ITSN1: variants seen among roughly 807,000 people sequenced by gnomAD.
The protein encoded by ITSN1 is intersectin-1.
In ITSN1, 58 loss-of-function variants were observed where a neutral mutation model predicts 239.8. The observed-to-expected ratio is 0.24, with a 90% CI of 0.20 to 0.30. ITSN1 has a LOEUF of 0.30. Ranked by LOEUF, ITSN1 falls within the 10% of genes least tolerant of loss-of-function variation. ITSN1 has a pLI of 1.00. For missense variants in ITSN1, 1,558 were observed against 2,103.3 expected, an observed-to-expected ratio of 0.74 and a Z score of 5.07; for synonymous variants, 780 against 770.8, an observed-to-expected ratio of 1.01 and a Z score of -0.20.
At position 33,781,521 on chromosome 21, in the gene ITSN1, AAAC is replaced by A; in HGVS notation, c.1660_1662del (p.Gln554del). The A allele has an allele frequency of 2.5e-6, 4 of 1,586,834 alleles. No homozygotes were observed. Among genetic ancestry groups the A allele is most frequent in the Non-Finnish European group, 3.4e-6 (4 of 1,165,186 alleles). ...AAAACAGATACTCAATGACCAATTA[AAAC>A]AAGTTCAGCAGAACAGTTTGCACAG... is the stretch of plus-strand genomic sequence containing the variant. On this transcript the variant is annotated inframe_deletion, in exon 15 of 40. Transcript: ENST00000381318.
chr21:33,769,653 G>A (rs112929203), intron 11 of ITSN1, among the ~76,000 whole-genome samples: 1 of 152,012 alleles, frequency 6.6e-6, no homozygotes, highest in Non-Finnish European at 1.5e-5. Flanking sequence ...GCATGCAGAG[G>A]GAGACAGATC....
At chr21:33,676,333 C>T (rs2090590678) in intron 1 of ITSN1, among the ~76,000 whole-genome samples, 1 of 152,076 alleles carries the variant, frequency 6.6e-6, no homozygotes, top group Non-Finnish European at 1.5e-5. Context: ...TGAGAACATC[C>T]CCTGTCACTT....
chr21:33,652,978 G>C lies in ITSN1; in HGVS notation c.-33+10265G>C, dbSNP rs192987299. On this transcript the variant is annotated intron_variant, in intron 1 of 39. Coordinates refer to ENST00000381318, the MANE Select transcript of ITSN1 (RefSeq NM_003024.3). ...TTGGCACAACTATAATCCACTTAAA[G>C]TACTGTGACTGGGAAGTTCTTTTTT... is the stretch of plus-strand genomic sequence containing the variant. Among the ~76,000 whole-genome samples, 7 of 151,274 alleles carry C rather than the reference G, an allele frequency of 4.6e-5. 1 individual carries two copies. Among genetic ancestry groups the C allele is most frequent in the African/African-American group, 1.7e-4 (7 of 41,110 alleles).
At chr21:33,844,605 C>T (rs1252563841) in intron 29 of ITSN1, among the ~76,000 whole-genome samples, 1 of 152,136 alleles carries the variant, frequency 6.6e-6, no homozygotes, top group African/African-American at 2.4e-5. Flanking sequence ...AGCAGCTGCC[C>T]CAGGCATGCT....
At chr21:33,793,720 G>A (rs949602520) in intron 16 of ITSN1, among the ~76,000 whole-genome samples, 8 of 152,182 alleles carry the variant, frequency 5.3e-5, no homozygotes, top group African/African-American at 1.9e-4. Context: ...TAACCTGATT[G>A]CTGGTTTAGT....
At chr21:33,690,587 G>A (rs1286109570) in intron 1 of ITSN1, among the ~76,000 whole-genome samples, 10 of 144,902 alleles carry the variant, frequency 6.9e-5, no homozygotes, top group African/African-American at 2.6e-4. Context: ...GCAACAGAGC[G>A]AGACTCCGTT....
At chr21:33,654,851 A>G (rs1337107876) in intron 1 of ITSN1, among the ~76,000 whole-genome samples, 2 of 152,174 alleles carry the variant, frequency 1.3e-5, no homozygotes, top group Non-Finnish European at 2.9e-5. Flanking sequence ...TGACAGCATT[A>G]AGCCACTCTC....
chr21:33,683,902 G>T (rs1488474863), intron 1 of ITSN1, among the ~76,000 whole-genome samples: 1 of 152,180 alleles, frequency 6.6e-6, no homozygotes, highest in Non-Finnish European at 1.5e-5. Flanking sequence ...GGGAATGTGT[G>T]CAAGAATGAC....
Position 33,836,678 on chromosome 21 carries a change from C to G in ITSN1, c.3661+46C>G. On this transcript the variant is annotated intron_variant, in intron 29 of 39. Transcript: ENST00000381318. Reference sequence around the variant, plus strand: ...GTCGCCTCGCCTCTCTGGTATCTTCCCGTAAAACATGCAGCATTGCTCTGA... The same window carrying G: ...GTCGCCTCGCCTCTCTGGTATCTTCGCGTAAAACATGCAGCATTGCTCTGA... 3 of 1,443,454 alleles carry G rather than the reference C, an allele frequency of 2.1e-6. No individual in the cohort carries two copies. In the African/African-American group the frequency reaches 4.2e-5, roughly 20 times the overall value. 89.4% of individuals were successfully genotyped at this position (1,443,454 alleles called of 1,614,324 possible). A position where few individuals can be genotyped will look rare whatever the true frequency, so the allele number is the denominator to read the frequency against.
intron 8 of ITSN1, among the ~76,000 whole-genome samples, chr21:33,759,185 T>TA (rs1344717920): frequency 6.6e-6 from 1 of 152,226 alleles, no homozygotes; most frequent in Non-Finnish European, 1.5e-5. Context: ...ATATCATGCT[T>TA]ATATCAGTGG....
chr21:33,781,995 A>G lies in ITSN1; in HGVS notation c.1686A>G (p.Arg562=). The G allele has an allele frequency of 1.9e-6, 3 of 1,586,118 alleles. No individual in the cohort carries two copies. The highest frequency in any genetic ancestry group is 2.6e-6 in the Non-Finnish European group (3 of 1,171,786). Residue 562 remains arginine, a splice_region_variant and synonymous_variant, in exon 16 of 40, where the codon AGA becomes AGG. Transcript: ENST00000381318. The part of the protein sequence containing the change: ...LKQVQQNSLH[R]DSLVTLKRAL... ...CTTTGCGACGTTTTTCTAAAATAGG[A>G]GATTCACTTGTTACACTTAAAAGAG...
intron 5 of ITSN1, chr21:33,735,429 C>T (rs3827181): frequency 0.33 from 184,861 of 563,788 alleles, 32,824 homozygotes; most frequent in East Asian, 0.58. Flanking sequence ...AGATGCAGGC[C>T]GCCAGTCAGG....
intron 16 of ITSN1, among the ~76,000 whole-genome samples, chr21:33,794,053 A>C (rs1239129732): frequency 1.3e-5 from 2 of 152,236 alleles, no homozygotes; most frequent in African/African-American, 4.8e-5. Context: ...CTGAGCCTTT[A>C]GCAGCAGAGC....
intron 35 of ITSN1, among the ~76,000 whole-genome samples, chr21:33,883,110 T>C (rs751984623): frequency 2.0e-5 from 3 of 152,218 alleles, no homozygotes; most frequent in Non-Finnish European, 4.4e-5. Context: ...AGAAACTTCA[T>C]GTGAAAATCT....
At chr21:33,825,793 G>A (rs371488832) in intron 25 of ITSN1, among the ~76,000 whole-genome samples, 5 of 152,094 alleles carry the variant, frequency 3.3e-5, no homozygotes, top group African/African-American at 4.8e-5. Flanking sequence ...AACTTTGTTC[G>A]TTAATAAAGC....
At chr21:33,667,064 C>T (rs193063803) in intron 1 of ITSN1, among the ~76,000 whole-genome samples, 12 of 152,064 alleles carry the variant, frequency 7.9e-5, no homozygotes, top group African/African-American at 2.9e-4. Flanking sequence ...GTGATCCACC[C>T]CCATCTCGGC....
At chr21:33,657,053 C>T (rs1447398706) in intron 1 of ITSN1, among the ~76,000 whole-genome samples, 2 of 152,060 alleles carry the variant, frequency 1.3e-5, no homozygotes, top group Non-Finnish European at 2.9e-5. Flanking sequence ...TTTTTAGATT[C>T]AGAGGGTACA....
chr21:33,775,696 G>A (rs943832932), intron 14 of ITSN1, among the ~76,000 whole-genome samples: 3 of 151,990 alleles, frequency 2.0e-5, no homozygotes, highest in African/African-American at 7.3e-5. Context: ...GGGTAGAGCA[G>A]GTGGGAGCTG....
chr21:33,845,109 C>G (rs543158533), intron 29 of ITSN1, among the ~76,000 whole-genome samples: 1 of 152,084 alleles, frequency 6.6e-6, no homozygotes, highest in South Asian at 2.1e-4. Context: ...ATGCCTAGAA[C>G]TTTCAGGAGC....
Sources: gnomAD v4.1 joint callset for allele counts (sites outside exome capture counted in the v4.1 genomes callset) on GRCh38, gnomAD v4.1.1 for gene constraint, MANE v1.5 for transcripts, NCBI Gene and HGNC (gene_info 2026-07-23, HGNC 2026-07-21) for gene names.